CENPO: variants seen among roughly 807,000 people sequenced by gnomAD.
CENPO encodes the protein centromere protein O.
In CENPO, 30 loss-of-function variants were observed where a neutral mutation model predicts 36.1. That is an observed-to-expected ratio of 0.83 (90% CI 0.62 to 1.13). The LOEUF (loss-of-function observed/expected upper bound fraction) is 1.13. Among genes scored for constraint, CENPO ranks in the 50% most tolerant of loss-of-function variants. The pLI, the probability that CENPO is intolerant of heterozygous loss-of-function variation, is 0.00. For synonymous variants in CENPO, 171 were observed against 142.3 expected (o/e 1.20, Z -1.44); for missense variants, 349 against 357.8 (o/e 0.98, Z 0.20).
chr2:24,793,994 G>A, intron 2 of CENPO, 29 bp downstream of exon 2: 1 of 1,545,558 alleles, frequency 6.5e-7, no homozygotes, highest in Admixed American at 1.7e-5. Context: ...CCTCCTTCCT[G>A]CTGCTGCCCA....
At chr2:24,803,739 T>G (rs1393088753) in intron 3 of CENPO, among the ~76,000 whole-genome samples, 1 of 152,232 alleles carries the variant, frequency 6.6e-6, no homozygotes, top group African/African-American at 2.4e-5. Context: ...GAGGAGTGTT[T>G]TACTTCCAAC....
chr2:24,813,318 T>C (rs111623899), intron 3 of CENPO, among the ~76,000 whole-genome samples: 3 of 152,296 alleles, frequency 2.0e-5, no homozygotes, highest in African/African-American at 7.2e-5. Context: ...TTTTAGTGTT[T>C]TTCTGGCAAG....
intron 3 of CENPO, among the ~76,000 whole-genome samples, chr2:24,802,363 T>C (rs78068792): frequency 1.3e-5 from 2 of 152,062 alleles, no homozygotes; most frequent in Admixed American, 6.6e-5. Flanking sequence ...TCCAACACTA[T>C]GTTGAATAGG....
At chr2:24,811,146 T>A (rs1572738550) in intron 3 of CENPO, among the ~76,000 whole-genome samples, 1 of 150,322 alleles carries the variant, frequency 6.7e-6, no homozygotes, top group Admixed American at 6.6e-5. Context: ...GGTTTCACCA[T>A]GTTGGCCAGG....
Position 24,820,005 on chromosome 2 carries a change from C to T in CENPO, c.*687C>T, listed in dbSNP as rs764830082. On this transcript the variant is annotated 3_prime_UTR_variant, in exon 8 of 8. Transcript: ENST00000380834. ...GGGGAAGGTGGCTAGCTTATCCCGC[C>T]CCTTCAAGAAGAAGGTCAGCAGCTC... 1 of 1,612,826 alleles carries T rather than the reference C, an allele frequency of 6.2e-7. No individual in the cohort carries two copies. The highest frequency in any genetic ancestry group is 8.5e-7 in the Non-Finnish European group (1 of 1,179,376).
Position 24,793,794 on chromosome 2 carries a change from C to T in CENPO, c.-68-58C>T, listed in dbSNP as rs1479470024. 38 of 1,294,084 alleles carry T rather than the reference C, an allele frequency of 2.9e-5. 1 individual carries two copies. In the East Asian group the frequency reaches 8.1e-4, roughly 27 times the overall value. The allele number at this position is 1,294,084 out of a possible 1,614,324, so 80.2% of individuals were successfully genotyped here. On this transcript the variant is annotated intron_variant, in intron 1 of 7. Transcript: ENST00000380834. Reference sequence around the variant, plus strand: ...TGTGCCTGAGTGGTGTGTGCCCTGCCGTCTGGGTTTGAATGGGACTAGATG... The same window carrying T: ...TGTGCCTGAGTGGTGTGTGCCCTGCTGTCTGGGTTTGAATGGGACTAGATG...
chr2:24,807,502 A>G (rs1460830560), intron 3 of CENPO, among the ~76,000 whole-genome samples: 1 of 152,270 alleles, frequency 6.6e-6, no homozygotes, highest in African/African-American at 2.4e-5. Flanking sequence ...ATTCTATTTT[A>G]TGAGTATACT....
chr2:24,802,379 T>C (rs1163295131), intron 3 of CENPO, among the ~76,000 whole-genome samples: 3 of 152,090 alleles, frequency 2.0e-5, no homozygotes, highest in African/African-American at 7.2e-5. Flanking sequence ...ATAGGAGTGG[T>C]GAGAGAGGGC....
chr2:24,799,034 A>C, intron 2 of CENPO, among the ~76,000 whole-genome samples: 1 of 80,174 alleles, frequency 1.2e-5, no homozygotes, highest in Admixed American at 2.2e-4. Context: ...CCCAGGCTGG[A>C]GTGCAATGGC....
At chr2:24,814,862 G>A (rs540544727) in intron 4 of CENPO, 1 of 195,452 alleles carries the variant, frequency 5.1e-6, no homozygotes, top group South Asian at 1.2e-4. Context: ...CGTAAATAGG[G>A]ATTTATTCTC....
rs1016186167 is a variant in CENPO, at chr2:24,820,612, T to C, written c.*1294T>C. The C allele has an allele frequency of 3.3e-6, 5 of 1,535,778 alleles. No homozygotes were observed. The highest frequency in any genetic ancestry group is 4.4e-6 in the Non-Finnish European group (5 of 1,133,428). On this transcript the variant is annotated 3_prime_UTR_variant, in exon 8 of 8. Transcript: ENST00000380834. ...TCCACTTGCCCCACGTCTCTGCCTC[T>C]GGACTTACTGTTCAGGGCCAGGGTG... is the stretch of plus-strand genomic sequence containing the variant.
chr2:24,794,273 G>C (rs551806220), intron 2 of CENPO, among the ~76,000 whole-genome samples: 1 of 152,294 alleles, frequency 6.6e-6, no homozygotes, highest in South Asian at 2.1e-4. Flanking sequence ...TTTGGGCCAT[G>C]TATGCATTAC....
chr2:24,820,616 C>G lies in CENPO; in HGVS notation c.*1298C>G. ...CTTGCCCCACGTCTCTGCCTCTGGA[C>G]TTACTGTTCAGGGCCAGGGTGGGAG... On this transcript the variant is annotated 3_prime_UTR_variant, in exon 8 of 8. Transcript: ENST00000380834. 1 of 1,544,704 alleles carries G rather than the reference C, an allele frequency of 6.5e-7. No homozygotes were observed. Among genetic ancestry groups the G allele is most frequent in the Non-Finnish European group, 8.8e-7 (1 of 1,139,418 alleles).
At chr2:24,799,637 C>A in intron 2 of CENPO, 38 bp from the exon 3 acceptor site, 1 of 1,541,488 alleles carries the variant, frequency 6.5e-7, no homozygotes, top group Non-Finnish European at 8.8e-7. Flanking sequence ...GTGAGAAATC[C>A]TCAGCTTCTT....
At chr2:24,812,615 A>T (rs1247605558) in intron 3 of CENPO, among the ~76,000 whole-genome samples, 1 of 152,114 alleles carries the variant, frequency 6.6e-6, no homozygotes, top group African/African-American at 2.4e-5. Context: ...TAATCTGGAT[A>T]TGGAAAATAT....
At chr2:24,812,902 G>GTTTTTTTTTTTTTTTTTTTTTTTT (rs35639594) in intron 3 of CENPO, among the ~76,000 whole-genome samples, 1 of 105,704 alleles carries the variant, frequency 9.5e-6, no homozygotes, top group Non-Finnish European at 1.9e-5. Flanking sequence ...TATGCCTGTA[G>GTTTTTTTTTTTTTTTTTTTTTTTT]TTTTTTTTTT....
intron 3 of CENPO, among the ~76,000 whole-genome samples, chr2:24,801,159 CT>C (rs1296012022): frequency 1.3e-5 from 2 of 152,190 alleles, no homozygotes; most frequent in Non-Finnish European, 2.9e-5. Context: ...CCTTTGCCCA[CT>C]TTTTGATGGG....
Position 24,821,262 on chromosome 2 carries a change from C to G in CENPO, c.*1944C>G. 1 of 496,084 alleles carries G rather than the reference C, an allele frequency of 2.0e-6. No individual in the cohort carries two copies. Among genetic ancestry groups the G allele is most frequent in the South Asian group, 2.8e-5 (1 of 35,092 alleles). 30.7% of individuals were successfully genotyped at this position (496,084 alleles called of 1,614,324 possible). A position where few individuals can be genotyped will look rare whatever the true frequency, so the allele number is the denominator to read the frequency against. On this transcript the variant is annotated 3_prime_UTR_variant, in exon 8 of 8. Transcript: ENST00000380834. ...GGAAATGGATCACAAACTCACTTCT[C>G]AGCCAGGCAGGCCAAGCTTCTATTG...
chr2:24,821,310 G>A lies in CENPO; in HGVS notation c.*1992G>A, dbSNP rs539235091. 41 of 644,034 alleles carry A rather than the reference G, an allele frequency of 6.4e-5. No individual in the cohort carries two copies. Among genetic ancestry groups the A allele is most frequent in the African/African-American group, 5.5e-4 (30 of 54,804 alleles). The allele number at this position is 644,034 out of a possible 1,614,324, so 39.9% of individuals were successfully genotyped here. On this transcript the variant is annotated 3_prime_UTR_variant, in exon 8 of 8. Coordinates refer to ENST00000380834, the MANE Select transcript of CENPO (RefSeq NM_001322101.2). ...TTGTAACAGTAGGCACAGTATAGTC[G>A]GATCATCACATCAGCTGGGTTTTTG...
Sources: allele counts gnomAD v4.1 joint callset (sites outside exome capture counted in the v4.1 genomes callset), GRCh38; gene constraint gnomAD v4.1.1; transcripts MANE v1.5; gene names NCBI Gene and HGNC (gene_info 2026-07-23, HGNC 2026-07-21).